Variants in ITGA11 observed in about 807,000 individuals in gnomAD.
The protein encoded by ITGA11 is integrin subunit alpha 11.
In ITGA11, 97 loss-of-function variants were observed where a neutral mutation model predicts 141.9. The ratio of observed to expected loss-of-function variants is 0.68; its 90% confidence interval spans 0.58 to 0.81. ITGA11 has a LOEUF of 0.81. Ranked by LOEUF, ITGA11 falls within the 30% of genes least tolerant of loss-of-function variation. ITGA11 has a pLI of 0.00. For synonymous variants in ITGA11, 658 were observed against 624.6 expected (o/e 1.05, Z -0.80); for missense variants, 1,387 against 1,559.2 (o/e 0.89, Z 1.86).
chr15:68,417,214 T>A, intron 1 of ITGA11, among the ~76,000 whole-genome samples: 1 of 152,206 alleles, frequency 6.6e-6, no homozygotes, highest in African/African-American at 2.4e-5. Context: ...ACATCTCACA[T>A]TTCACATGCT....
chr15:68,429,232 C>G (rs1476819026), intron 1 of ITGA11, among the ~76,000 whole-genome samples: 1 of 152,210 alleles, frequency 6.6e-6, no homozygotes, highest in Admixed American at 6.5e-5. Context: ...CATGGAGTAA[C>G]TTGCCAAGAG....
chr15:68,369,188 G>A lies in ITGA11; in HGVS notation c.261C>T (p.Asn87=), dbSNP rs1361985788. Residue 87 remains asparagine (N), a synonymous_variant, in exon 3 of 30, where the codon AAC becomes AAT. Transcript: ENST00000315757. ...PVIHGNCTKL[N]LGRVTLSNVS... The stretch of plus-strand genomic sequence containing the variant: ...GAGACCACCAGCCCACGTTACCCAG[G>A]TTGAGTTTGGTGCAGTTCCCGTGGA... The A allele has an allele frequency of 2.5e-6, 4 of 1,612,394 alleles. No individual in the cohort carries two copies. The highest frequency in any genetic ancestry group is 3.4e-6 in the Non-Finnish European group (4 of 1,178,438).
At chr15:68,364,098 A>T (rs1895340919) in intron 4 of ITGA11, among the ~76,000 whole-genome samples, 1 of 152,092 alleles carries the variant, frequency 6.6e-6, no homozygotes, top group Non-Finnish European at 1.5e-5. Flanking sequence ...TACCACCTCA[A>T]CCCAGACATG....
chr15:68,407,839 A>G (rs1486369681), intron 1 of ITGA11, among the ~76,000 whole-genome samples: 1 of 152,182 alleles, frequency 6.6e-6, no homozygotes, highest in Non-Finnish European at 1.5e-5. Flanking sequence ...TCCACTCCCT[A>G]CAGGTTAAGG....
At chr15:68,370,112 A>G (rs1895542710) in intron 2 of ITGA11, among the ~76,000 whole-genome samples, 2 of 152,094 alleles carry the variant, frequency 1.3e-5, no homozygotes, top group South Asian at 4.2e-4. Flanking sequence ...CTGCGGAGGG[A>G]GTGCGGACCT....
chr15:68,330,891 G>T, intron 15 of ITGA11, 90 bp downstream of exon 15: 1 of 1,496,698 alleles, frequency 6.7e-7, no homozygotes, highest in South Asian at 1.2e-5. Context: ...AAAGACAAGA[G>T]ACAAAGATCC....
intron 7 of ITGA11, among the ~76,000 whole-genome samples, chr15:68,355,490 T>G (rs1895044466): frequency 6.6e-6 from 1 of 151,832 alleles, no homozygotes; most frequent in African/African-American, 2.4e-5. Flanking sequence ...CTCTGTTGCC[T>G]AGGTGGAGTG....
chr15:68,361,706 T>C lies in ITGA11; in HGVS notation c.358-2A>G. On this transcript the variant is annotated splice_acceptor_variant, in intron 4 of 29. Transcript: ENST00000315757. LOFTEE classifies it high-confidence loss of function. Reference sequence around the variant, plus strand: ...ATGAGACCAGAGGGGGCTGCAGGCCTGGGGAGGGCAGTGCAGATCCCCAGT... The same window carrying C: ...ATGAGACCAGAGGGGGCTGCAGGCCCGGGGAGGGCAGTGCAGATCCCCAGT... The C allele has an allele frequency of 6.3e-7, 1 of 1,593,586 alleles. No homozygotes were observed. The highest frequency in any genetic ancestry group is 8.6e-7 in the Non-Finnish European group (1 of 1,167,918).
At chr15:68,420,488 G>T (rs1896990335) in intron 1 of ITGA11, among the ~76,000 whole-genome samples, 1 of 152,182 alleles carries the variant, frequency 6.6e-6, no homozygotes. Context: ...TGTAAGCGAT[G>T]CTCAATGGCC....
intron 7 of ITGA11, among the ~76,000 whole-genome samples, chr15:68,356,427 A>C (rs1259458149): frequency 6.6e-6 from 1 of 151,988 alleles, no homozygotes; most frequent in African/African-American, 2.4e-5. Flanking sequence ...ATTTTTAAGG[A>C]ATCAGCCTCA....
intron 11 of ITGA11, among the ~76,000 whole-genome samples, chr15:68,336,777 G>GTC (rs1167048718): frequency 6.6e-6 from 1 of 152,220 alleles, no homozygotes; most frequent in Non-Finnish European, 1.5e-5. Flanking sequence ...GTGTGTGAGT[G>GTC]TGTGTGTGCA....
rs183443053 is a variant in ITGA11 at position 68,395,862 on chromosome 15, A to T, written c.164+7056T>A. Among the ~76,000 whole-genome samples the T allele has an allele frequency of 9.2e-3, 1,373 of 149,480 alleles. 22 individuals are homozygous for T. Among genetic ancestry groups the T allele is most frequent in the African/African-American group, 0.032 (1,283 of 40,318 alleles). On this transcript the variant is annotated intron_variant, in intron 2 of 29. Coordinates refer to ENST00000315757, the MANE Select transcript of ITGA11 (RefSeq NM_001004439.2). ...GTTGTGCACATGTACCCTAGAACTT[A>T]AAGTATAATAATAATAACAATAAAA... is the stretch of plus-strand genomic sequence containing the variant.
At chr15:68,346,396 C>T (rs770122779) in intron 10 of ITGA11, among the ~76,000 whole-genome samples, 28 of 152,276 alleles carry the variant, frequency 1.8e-4, no homozygotes, top group Non-Finnish European at 3.1e-4. Context: ...TTAATGTCCT[C>T]CTCTTTTTAG....
intron 11 of ITGA11, among the ~76,000 whole-genome samples, chr15:68,336,509 C>G (rs1039624691): frequency 2.0e-5 from 3 of 152,280 alleles, no homozygotes; most frequent in African/African-American, 4.8e-5. Context: ...TTTGGAAAGG[C>G]TGCCAATCCC....
chr15:68,318,172 A>G (rs1004708525), intron 20 of ITGA11, among the ~76,000 whole-genome samples: 2 of 152,034 alleles, frequency 1.3e-5, no homozygotes, highest in Non-Finnish European at 2.9e-5. Context: ...GGCACCTGTG[A>G]AGGAGGTAGG....
chr15:68,307,237 T>C lies in ITGA11; in HGVS notation c.3381+111A>G. ...CCCACAGGTCTGCCTGATTCTCTCC[T>C]GCTGGGACATGCAGCCAGGGGTTGT... is the stretch of plus-strand genomic sequence containing the variant. On this transcript the variant is annotated intron_variant, in intron 28 of 29. Transcript: ENST00000315757. The surrounding 1 kb of genome is among the most constrained non-coding windows in gnomAD (Gnocchi z 6.1). The C allele has an allele frequency of 1.3e-6, 1 of 748,240 alleles. No individual in the cohort carries two copies. The allele number at this position is 748,240 out of a possible 1,614,324, so 46.4% of individuals were successfully genotyped here. A position where few individuals can be genotyped will look rare whatever the true frequency, so the allele number is the denominator to read the frequency against.
chr15:68,405,021 C>G (rs938457616), intron 1 of ITGA11, among the ~76,000 whole-genome samples: 3 of 152,200 alleles, frequency 2.0e-5, no homozygotes, highest in African/African-American at 7.2e-5. Context: ...GAATTTGAGG[C>G]TTGGACCCGC....
Position 68,428,961 on chromosome 15 carries a change from G to T in ITGA11, c.52+3054C>A, listed in dbSNP as rs114501955. Among the ~76,000 whole-genome samples the T allele has an allele frequency of 3.4e-3, 521 of 152,274 alleles. 4 individuals are homozygous for T. The highest frequency in any genetic ancestry group is 0.012 in the African/African-American group (495 of 41,542). ...AAGTCTTCACTCATTTGGGGCCCTG[G>T]CATGTATGTCTCCTCTGATTCTTCA... On this transcript the variant is annotated intron_variant, in intron 1 of 29. Coordinates refer to ENST00000315757, the MANE Select transcript of ITGA11 (RefSeq NM_001004439.2).
intron 11 of ITGA11, chr15:68,336,201 C>T (rs565846062): frequency 3.9e-6 from 1 of 253,690 alleles, no homozygotes. Flanking sequence ...AGGGCAGACT[C>T]TAGCCTCACT....
Sources: allele counts gnomAD v4.1 joint callset (sites outside exome capture counted in the v4.1 genomes callset), GRCh38; gene constraint gnomAD v4.1.1; non-coding constraint Gnocchi (gnomAD v3.1); transcripts MANE v1.5; gene names NCBI Gene and HGNC (gene_info 2026-07-23, HGNC 2026-07-21).